The following SP140 variants were observed in gnomAD, a reference collection of about 807,000 sequenced individuals.
The protein encoded by SP140 is SP140 nuclear body protein, also known as nuclear body protein SP140.
Under a neutral mutation model 125.0 loss-of-function variants are expected in SP140, and 81 were observed. The ratio of observed to expected loss-of-function variants is 0.65; its 90% confidence interval spans 0.54 to 0.78. The LOEUF (loss-of-function observed/expected upper bound fraction) is 0.78, where lower values mean the gene tolerates loss of function less well. SP140 is among the 30% of genes least tolerant of loss of function. SP140 has a pLI of 0.00. For synonymous variants in SP140, 312 were observed against 354.0 expected, an observed-to-expected ratio of 0.88 and a Z score of 1.33; for missense variants, 858 against 1,037.0, an observed-to-expected ratio of 0.83 and a Z score of 2.37.
intron 17 of SP140, among the ~76,000 whole-genome samples, chr2:230,287,483 A>G (rs2056534480): frequency 6.6e-6 from 1 of 152,206 alleles, no homozygotes; most frequent in Non-Finnish European, 1.5e-5. Context: ...TTCTGTAATG[A>G]CGGTAATCAT....
At chr2:230,313,786 T>C (rs1440980643), downstream of SP140, among the ~76,000 whole-genome samples, 1 of 152,236 alleles carries the variant, frequency 6.6e-6, no homozygotes, top group African/African-American at 2.4e-5. Context: ...GTGCTATCAC[T>C]GAGCAGTTGC....
chr2:230,265,288 A>G (rs2052906579), intron 12 of SP140, among the ~76,000 whole-genome samples: 1 of 151,876 alleles, frequency 6.6e-6, no homozygotes, highest in South Asian at 2.1e-4. Context: ...TCCCATGCAA[A>G]CCAAAGGGCC....
chr2:230,197,319 T>C, the SP140 span, among the ~76,000 whole-genome samples: 4 of 148,566 alleles, frequency 2.7e-5, no homozygotes, highest in African/African-American at 7.4e-5. Context: ...TTTCATGTGT[T>C]TTTTGGCTGC....
In SP140 at chr2:230,297,484, C is replaced by T. The variant is rs370539150; in HGVS notation, c.2058+22C>T. ...TTGTGTAAGTACAAATTCTGAACTA[C>T]GACCCCCAGAATATTCCACTCCTTT... On this transcript the variant is annotated intron_variant, in intron 22 of 26. Coordinates refer to ENST00000392045, the MANE Select transcript of SP140 (RefSeq NM_007237.5). 147 of 1,612,020 alleles carry T rather than the reference C, an allele frequency of 9.1e-5. 1 individual carries two copies. Among genetic ancestry groups the T allele is most frequent in the African/African-American group, 1.5e-4 (11 of 74,878 alleles).
At chr2:230,302,576 G>C (rs1369691882) in intron 22 of SP140, among the ~76,000 whole-genome samples, 1 of 152,164 alleles carries the variant, frequency 6.6e-6, no homozygotes, top group Non-Finnish European at 1.5e-5. Flanking sequence ...AGATATTACA[G>C]AACATTCTAC....
downstream of SP140, among the ~76,000 whole-genome samples, chr2:230,315,571 C>T (rs2059479092): frequency 6.6e-6 from 1 of 152,132 alleles, no homozygotes. Flanking sequence ...CATCATAATA[C>T]GTAGCAATTG....
chr2:230,207,838 A>G (rs2044037406), intron 1 of SP140, among the ~76,000 whole-genome samples: 1 of 152,158 alleles, frequency 6.6e-6, no homozygotes, highest in African/African-American at 2.4e-5. Flanking sequence ...ACACCGTAGC[A>G]AAATTGAGCT....
At chr2:230,201,985 A>G (rs766822257), upstream of SP140, among the ~76,000 whole-genome samples, 1 of 152,174 alleles carries the variant, frequency 6.6e-6, no homozygotes, top group Non-Finnish European at 1.5e-5. Flanking sequence ...TTTTCTTTCT[A>G]TCCTTCAATC....
At chr2:230,266,576 C>T (rs2053163904) in intron 12 of SP140, among the ~76,000 whole-genome samples, 1 of 152,226 alleles carries the variant, frequency 6.6e-6, no homozygotes, top group Non-Finnish European at 1.5e-5. Context: ...TAGTTCTCTG[C>T]TTAGAGTCTC....
chr2:230,290,696 T>A (rs1241490424), intron 19 of SP140, 132 bp downstream of exon 19: 8 of 737,024 alleles, frequency 1.1e-5, no homozygotes, highest in Non-Finnish European at 1.8e-5. Flanking sequence ...GAGGAAGGGA[T>A]TTCTAAGATG....
At position 230,237,771 on chromosome 2, in the gene SP140, C is replaced by T. The variant is rs181720315; in HGVS notation, c.238-442C>T. ...TTAGCAGTGGATGCCCTTAGGGATA[C>T]TGAGGACAAGGCTTCTTCTTGTCTT... On this transcript the variant is annotated intron_variant, in intron 2 of 26. Transcript: ENST00000392045. This position sits in a 1 kb window ranked among gnomAD's most constrained non-coding sequence, Gnocchi z 5.4. Among the ~76,000 whole-genome samples the T allele has an allele frequency of 6.6e-6, 1 of 152,136 alleles. No homozygotes were observed.
At chr2:230,247,835 C>A in intron 7 of SP140, 81 bp from the exon 8 acceptor site, 1 of 1,431,458 alleles carries the variant, frequency 7.0e-7, no homozygotes, top group Non-Finnish European at 9.6e-7. Context: ...TGTTTCACTA[C>A]AATCTCCATC....
intron 22 of SP140, among the ~76,000 whole-genome samples, chr2:230,300,548 C>A (rs1273666102): frequency 6.6e-6 from 1 of 152,094 alleles, no homozygotes; most frequent in African/African-American, 2.4e-5. Flanking sequence ...CCCAGAAGAG[C>A]AATAACAATC....
intron 22 of SP140, among the ~76,000 whole-genome samples, chr2:230,303,913 C>G (rs2058529486): frequency 6.6e-6 from 1 of 152,102 alleles, no homozygotes; most frequent in Non-Finnish European, 1.5e-5. Flanking sequence ...GCAGAGCAAT[C>G]AGACAAGAGA....
At chr2:230,213,811 T>TG (rs1231105851) in intron 2 of SP140, 2 of 152,426 alleles carry the variant, frequency 1.3e-5, no homozygotes, top group Non-Finnish European at 2.9e-5. Flanking sequence ...GGTTCTCAGA[T>TG]GTTCTTACCA....
At chr2:230,197,782 A>G in the SP140 span, among the ~76,000 whole-genome samples, 1 of 152,032 alleles carries the variant, frequency 6.6e-6, no homozygotes, top group Non-Finnish European at 1.5e-5. Context: ...TTTTCCCAGC[A>G]CCATTTATTA....
chr2:230,220,122 C>T (rs1347701601), intron 3 of SP140: 6 of 977,438 alleles, frequency 6.1e-6, no homozygotes, highest in Non-Finnish European at 7.3e-6. Context: ...TGTGAGGCTC[C>T]CAGGACGTCT....
chr2:230,310,288 C>A lies in SP140; in HGVS notation c.2174+249C>A, dbSNP rs187637443. On this transcript the variant is annotated intron_variant, in intron 23 of 26. Transcript: ENST00000392045. The stretch of plus-strand genomic sequence containing the variant: ...GTGTTGGGGACCTTTGCCTACATAC[C>A]GGCATTGTCCTTTCCTTGAAGTTTT... 3 of 524,210 alleles carry A rather than the reference C, an allele frequency of 5.7e-6. No homozygotes were observed. The Admixed American group carries it at 9.8e-5, about 17-fold the overall frequency. 32.5% of individuals were successfully genotyped at this position (524,210 alleles called of 1,614,324 possible). A position where few individuals can be genotyped will look rare whatever the true frequency, so the allele number is the denominator to read the frequency against.
In SP140 at chr2:230,261,938, G is replaced by A. The variant is rs144124836; in HGVS notation, c.1240+6406G>A. The stretch of plus-strand genomic sequence containing the variant: ...TCTTTTTTGGCTATGTCCTTTCCTG[G>A]TGTTGGTATTAGGGTGATGCTGGCT... On this transcript the variant is annotated intron_variant, in intron 12 of 26. Transcript: ENST00000392045. Among the ~76,000 whole-genome samples, 739 of 152,220 alleles carry A rather than the reference G, an allele frequency of 4.9e-3. 5 individuals carry two copies. The highest frequency in any genetic ancestry group is 0.034 in the Middle Eastern group (10 of 294).
Sources: gnomAD v4.1 joint callset for allele counts (sites outside exome capture counted in the v4.1 genomes callset) on GRCh38, gnomAD v4.1.1 for gene constraint, Gnocchi (gnomAD v3.1) non-coding constraint, MANE v1.5 for transcripts, NCBI Gene and HGNC (gene_info 2026-07-23, HGNC 2026-07-21) for gene names.